DNAH5: variants seen among roughly 807,000 people sequenced by gnomAD.
DNAH5 encodes the protein dynein axonemal heavy chain 5, also known as axonemal beta dynein heavy chain 5.
A neutral mutation model predicts 518.2 loss-of-function variants in DNAH5; 372 were observed. That is an observed-to-expected ratio of 0.72 (90% CI 0.66 to 0.78). The LOEUF (loss-of-function observed/expected upper bound fraction) is 0.78, where lower values mean the gene tolerates loss of function less well. Ranked by LOEUF, DNAH5 falls within the 30% of genes least tolerant of loss-of-function variation. The pLI, the probability that DNAH5 is intolerant of heterozygous loss-of-function variation, is 0.00. For missense variants in DNAH5, 5,523 were observed against 5,687.0 expected, an observed-to-expected ratio of 0.97 and a Z score of 0.93; for synonymous variants, 2,039 against 2,025.9, an observed-to-expected ratio of 1.01 and a Z score of -0.17.
At chr5:13,808,541 T>A (rs1760042980) in intron 46 of DNAH5, among the ~76,000 whole-genome samples, 1 of 152,236 alleles carries the variant, frequency 6.6e-6, no homozygotes, top group African/African-American at 2.4e-5. Flanking sequence ...AAGAAATAAT[T>A]ACTGACTTAT....
At chr5:13,876,486 G>A (rs1179395101) in intron 22 of DNAH5, among the ~76,000 whole-genome samples, 198 bp downstream of exon 22, 1 of 152,154 alleles carries the variant, frequency 6.6e-6, no homozygotes. Flanking sequence ...ATGAGAGTAG[G>A]AATAATTTTT....
chr5:14,010,624 A>G (rs1410040107), intron 1 of DNAH5, among the ~76,000 whole-genome samples: 1 of 152,176 alleles, frequency 6.6e-6, no homozygotes, highest in Non-Finnish European at 1.5e-5. Context: ...TCTTCAATAA[A>G]CACAAAATAT....
At chr5:13,836,396 T>C (rs1428385479) in intron 35 of DNAH5, among the ~76,000 whole-genome samples, 1 of 152,160 alleles carries the variant, frequency 6.6e-6, no homozygotes, top group African/African-American at 2.4e-5. Context: ...CTGGCAGTTC[T>C]ATGTTTAAAG....
intron 62 of DNAH5, 80 bp downstream of exon 62, chr5:13,754,123 A>G (rs1026659744): frequency 3.2e-5 from 50 of 1,558,930 alleles, no homozygotes; most frequent in Non-Finnish European, 4.4e-5. Flanking sequence ...GGACACACAA[A>G]GGAATTTGAT....
chr5:13,929,638 G>C (rs557944695), intron 2 of DNAH5, among the ~76,000 whole-genome samples: 12 of 152,126 alleles, frequency 7.9e-5, no homozygotes, highest in Non-Finnish European at 1.8e-4. Context: ...TCAATTCCAG[G>C]CCAAGAATGC....
intron 35 of DNAH5, among the ~76,000 whole-genome samples, chr5:13,832,700 C>A (rs1372465121): frequency 2.6e-5 from 4 of 152,202 alleles, no homozygotes; most frequent in African/African-American, 4.8e-5. Flanking sequence ...ACTTGCCTAA[C>A]CCCTGGCACC....
At chr5:13,951,443 C>T (rs1384763527) in intron 1 of DNAH5, among the ~76,000 whole-genome samples, 3 of 151,892 alleles carry the variant, frequency 2.0e-5, no homozygotes, top group Non-Finnish European at 2.9e-5. Context: ...TGGTCTCGAA[C>T]TCCTGGACTC....
At chr5:13,866,311 G>A (rs1482613398) in intron 25 of DNAH5, 29 bp from the exon 26 acceptor site, 2 of 1,593,548 alleles carry the variant, frequency 1.3e-6, no homozygotes, top group Non-Finnish European at 1.7e-6. Flanking sequence ...AAGAAAAATA[G>A]AAGGAAGTGT....
chr5:13,754,206 C>T lies in DNAH5; in HGVS notation c.10552G>A (p.Val3518Ile). The change falls in exon 62 of 79, where the codon GTA becomes ATA. Residue 3518 changes from valine (V) to isoleucine (I), a missense_variant. Coordinates refer to ENST00000265104, the MANE Select transcript of DNAH5 (RefSeq NM_001369.3). ...QEFAAQTKRL[V>I]GDVLLATAFL... ...ATTAATAAAGAAATTTACATACCTACAAGTCTTTTAGTTTGTGCAGCAAAC... is the reference window on the plus strand; with the variant it reads ...ATTAATAAAGAAATTTACATACCTATAAGTCTTTTAGTTTGTGCAGCAAAC... 1.2e-6 allele frequency: 2 copies of T among 1,614,056 alleles called. No individual in the cohort carries two copies. The highest frequency in any genetic ancestry group is 1.3e-5 in the African/African-American group (1 of 75,026).
chr5:13,947,704 T>C (rs1435162006), upstream of DNAH5, among the ~76,000 whole-genome samples: 1 of 152,232 alleles, frequency 6.6e-6, no homozygotes, highest in Non-Finnish European at 1.5e-5. Flanking sequence ...AGTTACTAGC[T>C]ACACGTTTTT....
intron 52 of DNAH5, among the ~76,000 whole-genome samples, chr5:13,782,105 T>C (rs897474921): frequency 1.3e-5 from 2 of 152,192 alleles, no homozygotes; most frequent in Admixed American, 1.3e-4. Context: ...ACTGTTTCTC[T>C]TTCCCTCCTA....
Position 13,778,600 on chromosome 5 carries a change from G to GAAAGAAAGAAAA in DNAH5, c.8952-1246_8952-1245insTTTTCTTTCTTT, listed in dbSNP as rs1272994718. Among the ~76,000 whole-genome samples the GAAAGAAAGAAAA allele has an allele frequency of 8.2e-5, 6 of 72,922 alleles. No homozygotes were observed. In the East Asian group the frequency reaches 2.9e-3, roughly 36 times the overall value. 47.8% of individuals were successfully genotyped at this position (72,922 alleles called of 152,430 possible). The stretch of plus-strand genomic sequence containing the variant: ...AAAGAAAGAAAGAAAGAAAGAAAGA[G>GAAAGAAAGAAAA]AGAGAGAAAGAAAAAGAAAGAAAGA... On this transcript the variant is annotated intron_variant, in intron 53 of 78. Coordinates refer to ENST00000265104, the MANE Select transcript of DNAH5 (RefSeq NM_001369.3).
intron 72 of DNAH5, among the ~76,000 whole-genome samples, chr5:13,717,792 A>C (rs1744507033): frequency 6.6e-6 from 1 of 152,070 alleles, no homozygotes; most frequent in Non-Finnish European, 1.5e-5. Context: ...GTGGGGGTAA[A>C]ATCAAGCTGG....
Position 13,707,019 on chromosome 5 carries a change from T to C in DNAH5, c.13338+1104A>G, listed in dbSNP as rs1742879073. Among the ~76,000 whole-genome samples, 1 of 152,134 alleles carries C rather than the reference T, an allele frequency of 6.6e-6. No homozygotes were observed. Among genetic ancestry groups the C allele is most frequent in the South Asian group, 2.1e-4 (1 of 4,824 alleles). On this transcript the variant is annotated intron_variant, in intron 76 of 78. Coordinates refer to ENST00000265104, the MANE Select transcript of DNAH5 (RefSeq NM_001369.3). This position sits in a 1 kb window ranked among gnomAD's most constrained non-coding sequence, Gnocchi z 4.0. ...TTTCCAAGACCACTCTGGCCCACCA[T>C]GCCCCGCATCCTGTGCCCATATAAA...
At chr5:13,863,699 T>C (rs1768809528) in intron 28 of DNAH5, among the ~76,000 whole-genome samples, 2 of 152,306 alleles carry the variant, frequency 1.3e-5, no homozygotes, top group Middle Eastern at 3.4e-3. Flanking sequence ...TCCATCATTC[T>C]TCCCTTGTCC....
At chr5:13,727,062 G>T (rs1404045055) in intron 70 of DNAH5, among the ~76,000 whole-genome samples, 1 of 152,164 alleles carries the variant, frequency 6.6e-6, no homozygotes, top group East Asian at 1.9e-4. Flanking sequence ...TTTTTCTGGG[G>T]AAATGACTAC....
In DNAH5 at chr5:13,845,910, G is replaced by A. The variant is rs545826109; in HGVS notation, c.5115-917C>T. Among the ~76,000 whole-genome samples, 17 of 145,168 alleles carry A rather than the reference G, an allele frequency of 1.2e-4. No homozygotes were observed. The South Asian group carries it at 2.9e-3, about 24-fold the overall frequency. On this transcript the variant is annotated intron_variant, in intron 31 of 78. Transcript: ENST00000265104. ...CAGTGGCATGACCTTGGCTCACTGC[G>A]ACCTCCACTTCCCGGGTTCAAGTGT...
intron 30 of DNAH5, 68 bp downstream of exon 30, chr5:13,859,384 T>G: frequency 1.9e-6 from 3 of 1,538,710 alleles, no homozygotes; most frequent in Non-Finnish European, 2.7e-6. Context: ...TTGCATTATT[T>G]AAGGGGGTAA....
rs779321133 is a variant in DNAH5, at chr5:13,871,724, G to C, written c.3438C>G (p.His1146Gln). 8.7e-6 allele frequency: 14 copies of C among 1,613,552 alleles called. No individual in the cohort carries two copies. The African/African-American group carries it at 1.9e-4, about 22-fold the overall frequency. ...CTTCTTCTTTTCCCTTTTGCCAAATGTGATTGTAGCGTTTGAAGCAATCCA... is the reference window on the plus strand; with the variant it reads ...CTTCTTCTTTTCCCTTTTGCCAAATCTGATTGTAGCGTTTGAAGCAATCCA... ...TSMDCFKRYNHIWQKGKEEAI... is the reference protein window; with the variant it reads ...TSMDCFKRYNQIWQKGKEEAI... The change falls in exon 23 of 79, where the codon CAC becomes CAG. Residue 1146 changes from histidine to glutamine, a missense_variant. By Grantham distance (24) the His-to-Gln change is conservative. Coordinates refer to ENST00000265104, the MANE Select transcript of DNAH5 (RefSeq NM_001369.3).
Sources: allele counts gnomAD v4.1 joint callset (sites outside exome capture counted in the v4.1 genomes callset), GRCh38; gene constraint gnomAD v4.1.1; non-coding constraint Gnocchi (gnomAD v3.1); transcripts MANE v1.5; gene names NCBI Gene and HGNC (gene_info 2026-07-23, HGNC 2026-07-21).